Variants in DOCK3 observed in about 807,000 individuals in gnomAD.
The protein encoded by DOCK3 is dedicator of cytokinesis 3.
In DOCK3, 60 loss-of-function variants were observed where a neutral mutation model predicts 265.6. That is an observed-to-expected ratio of 0.23 (90% CI 0.18 to 0.28). The LOEUF (loss-of-function observed/expected upper bound fraction) is 0.28. DOCK3 is among the 10% of genes least tolerant of loss of function. The pLI is 1.00. For missense variants in DOCK3, 1,981 were observed against 2,594.3 expected (o/e 0.76, Z 5.14); for synonymous variants, 881 against 938.0 (o/e 0.94, Z 1.11).
chr3:50,970,932 T>TACACACAC lies in DOCK3; in HGVS notation c.315+36856_315+36857insCACACACA, dbSNP rs1559878626. Among the ~76,000 whole-genome samples the TACACACAC allele has an allele frequency of 8.9e-3, 670 of 75,434 alleles. 69 individuals are homozygous for TACACACAC. Among genetic ancestry groups the TACACACAC allele is most frequent in the African/African-American group, 0.034 (627 of 18,194 alleles). 49.5% of individuals were successfully genotyped at this position (75,434 alleles called of 152,430 possible). On this transcript the variant is annotated intron_variant, in intron 5 of 52. Transcript: ENST00000266037. ...ATATATATATATATATATATATATATATATATATATATATAATGTGTGTGT... is the reference window on the plus strand; with the variant it reads ...ATATATATATATATATATATATATATACACACACATATATATATATATAATGTGTGTGT...
intron 12 of DOCK3, among the ~76,000 whole-genome samples, chr3:51,177,572 C>T (rs927617674): frequency 2.6e-5 from 4 of 152,024 alleles, no homozygotes; most frequent in Admixed American, 6.5e-5. Flanking sequence ...TAAGAACAAA[C>T]CATATAGTTC....
chr3:51,309,595 C>T (rs978034518), intron 27 of DOCK3, among the ~76,000 whole-genome samples: 4 of 151,560 alleles, frequency 2.6e-5, no homozygotes, highest in South Asian at 2.1e-4. Flanking sequence ...AGAGGGAGAC[C>T]GTGGGGAGAG....
chr3:51,285,808 G>A (rs1395434130), intron 27 of DOCK3, among the ~76,000 whole-genome samples: 2 of 151,924 alleles, frequency 1.3e-5, no homozygotes, highest in Admixed American at 6.6e-5. Context: ...GGTGGCGGGC[G>A]CCTGTAATCC....
At chr3:51,190,031 T>A (rs1001243322) in intron 12 of DOCK3, among the ~76,000 whole-genome samples, 1 of 152,222 alleles carries the variant, frequency 6.6e-6, no homozygotes, top group Admixed American at 6.5e-5. Context: ...AAAGGCTTTC[T>A]GACTGTTGGG....
chr3:51,242,446 G>GTGGCAGAGTGC (rs1199017033), intron 21 of DOCK3, among the ~76,000 whole-genome samples: 2 of 152,180 alleles, frequency 1.3e-5, no homozygotes, highest in Non-Finnish European at 2.9e-5. Flanking sequence ...AGAGTCACCT[G>GTGGCAGAGTGC]TGGCAGAGTG....
intron 5 of DOCK3, among the ~76,000 whole-genome samples, chr3:50,934,556 A>G (rs1307753423): frequency 6.6e-6 from 1 of 152,172 alleles, no homozygotes. Flanking sequence ...GCCAGGCATG[A>G]TGGCTCACAC....
At chr3:50,716,543 A>G (rs1418556475) in intron 1 of DOCK3, among the ~76,000 whole-genome samples, 1 of 151,410 alleles carries the variant, frequency 6.6e-6, no homozygotes, top group East Asian at 1.9e-4. Context: ...AAAACTTAAA[A>G]GTATAATAAT....
chr3:51,290,421 A>G (rs1317935322), intron 27 of DOCK3, among the ~76,000 whole-genome samples: 1 of 152,176 alleles, frequency 6.6e-6, no homozygotes, highest in Admixed American at 6.5e-5. Context: ...CATTCTCAGC[A>G]AACTATCGCA....
intron 12 of DOCK3, among the ~76,000 whole-genome samples, chr3:51,164,995 G>T (rs1487591013): frequency 2.3e-5 from 3 of 132,426 alleles, no homozygotes; most frequent in Non-Finnish European, 4.6e-5. Context: ...CTGGAGTGCA[G>T]TGGCGCAATC....
At chr3:51,165,564 T>C (rs1005310094) in intron 12 of DOCK3, among the ~76,000 whole-genome samples, 2 of 152,370 alleles carry the variant, frequency 1.3e-5, no homozygotes, top group African/African-American at 4.8e-5. Flanking sequence ...TGAAAGTTTG[T>C]GTCCTGAGAT....
intron 3 of DOCK3, among the ~76,000 whole-genome samples, chr3:50,858,439 T>A (rs66464874): frequency 8.2e-6 from 1 of 121,974 alleles, no homozygotes; most frequent in African/African-American, 2.7e-5. Context: ...ATAATAATAA[T>A]AATAATAATA....
In DOCK3 at chr3:51,337,116, T is replaced by G. The variant is rs527726984; in HGVS notation, c.3612-1243T>G. ...GGAACCAAATATCTTACGTGGTGAATGTGCTGATAGGTCAAACCCCCCTAG... is the reference window on the plus strand; with the variant it reads ...GGAACCAAATATCTTACGTGGTGAAGGTGCTGATAGGTCAAACCCCCCTAG... On this transcript the variant is annotated intron_variant, in intron 35 of 52. Coordinates refer to ENST00000266037, the MANE Select transcript of DOCK3 (RefSeq NM_004947.5). Among the ~76,000 whole-genome samples the G allele has an allele frequency of 2.6e-5, 4 of 152,342 alleles. No homozygotes were observed. In the South Asian group the frequency reaches 8.3e-4, roughly 32 times the overall value.
At chr3:51,181,203 A>G (rs1470652949) in intron 12 of DOCK3, among the ~76,000 whole-genome samples, 2 of 151,994 alleles carry the variant, frequency 1.3e-5, no homozygotes, top group Non-Finnish European at 2.9e-5. Context: ...TTTGTTACAT[A>G]TGTATACATG....
At chr3:50,936,569 C>T (rs1272166790) in intron 5 of DOCK3, among the ~76,000 whole-genome samples, 3 of 152,076 alleles carry the variant, frequency 2.0e-5, no homozygotes, top group Non-Finnish European at 4.4e-5. Flanking sequence ...AGCTAGAGGA[C>T]ATTAACACAT....
chr3:51,118,837 T>A (rs1028769984), intron 9 of DOCK3, among the ~76,000 whole-genome samples: 3 of 152,160 alleles, frequency 2.0e-5, no homozygotes, highest in African/African-American at 7.2e-5. Context: ...TAAATATTCC[T>A]CCATCCCTTT....
chr3:51,171,641 G>A lies in DOCK3; in HGVS notation c.1037+10939G>A, dbSNP rs560520449. On this transcript the variant is annotated intron_variant, in intron 12 of 52. Transcript: ENST00000266037. ...CTGAGGCAGGAGATGGCATGAACCC[G>A]GGAGGCAGAGCTTGCAGTGAGCCGA... Among the ~76,000 whole-genome samples the A allele has an allele frequency of 4.0e-5, 6 of 151,610 alleles. No individual in the cohort carries two copies. In the East Asian group the frequency reaches 9.7e-4, roughly 25 times the overall value.
intron 1 of DOCK3, among the ~76,000 whole-genome samples, chr3:50,722,935 C>T (rs546479545): frequency 2.2e-4 from 34 of 152,118 alleles, no homozygotes; most frequent in Middle Eastern, 3.4e-3. Context: ...CCACACCCAG[C>T]TAATTTTTGT....
intron 3 of DOCK3, among the ~76,000 whole-genome samples, chr3:50,848,539 TGCTAATGAA>T (rs1419891439): frequency 6.6e-6 from 1 of 152,218 alleles, no homozygotes; most frequent in Non-Finnish European, 1.5e-5. Context: ...GGTTCCCCTT[TGCTAATGAA>T]GCTTAGTTGG....
chr3:50,821,321 A>G (rs1416290843), intron 2 of DOCK3, among the ~76,000 whole-genome samples: 1 of 149,860 alleles, frequency 6.7e-6, no homozygotes, highest in African/African-American at 2.5e-5. Flanking sequence ...TTTTTCTGAG[A>G]CTGAGTCTCA....
Sources: gnomAD v4.1 joint callset for allele counts (sites outside exome capture counted in the v4.1 genomes callset) on GRCh38, gnomAD v4.1.1 for gene constraint, MANE v1.5 for transcripts, NCBI Gene and HGNC (gene_info 2026-07-23, HGNC 2026-07-21) for gene names.